ZSCAN31: variants seen among roughly 807,000 people sequenced by gnomAD.
The protein encoded by ZSCAN31 is zinc finger and SCAN domain-containing protein 31.
Under a neutral mutation model 22.5 loss-of-function variants are expected in ZSCAN31, and 14 were observed. That is an observed-to-expected ratio of 0.62 (90% confidence interval 0.41 to 0.97). ZSCAN31 has a LOEUF of 0.97. Ranked by LOEUF, ZSCAN31 falls within the 50% of genes least tolerant of loss-of-function variation. The pLI is 0.00. For missense variants in ZSCAN31, 424 were observed against 483.4 expected (o/e 0.88, Z 1.15); for synonymous variants, 168 against 169.8 (o/e 0.99, Z 0.08).
intron 2 of ZSCAN31, among the ~76,000 whole-genome samples, chr6:28,344,205 A>G (rs1247732868): frequency 6.6e-6 from 1 of 152,206 alleles, no homozygotes; most frequent in Non-Finnish European, 1.5e-5. Context: ...TAGGGCTGTC[A>G]CACGGGTTTT....
Position 28,333,905 on chromosome 6 carries a change from T to C in ZSCAN31, c.-96+2177A>G, listed in dbSNP as rs1053527061. Among the ~76,000 whole-genome samples, 9 of 150,998 alleles carry C rather than the reference T, an allele frequency of 6.0e-5. No homozygotes were observed. The highest frequency in any genetic ancestry group is 1.0e-4 in the Non-Finnish European group (7 of 67,688). ...AGAAGCTCTGCTACTGGATGGAGAATGAGCTGAGGGAATGAGGGTAGAGGC... is the reference window on the plus strand; with the variant it reads ...AGAAGCTCTGCTACTGGATGGAGAACGAGCTGAGGGAATGAGGGTAGAGGC... On this transcript the variant is annotated intron_variant, in intron 1 of 3. Transcript: ENST00000344279. This position sits in a 1 kb window ranked among gnomAD's most constrained non-coding sequence, Gnocchi z 4.1.
At position 28,331,921 on chromosome 6, in the gene ZSCAN31, G is replaced by T. The variant is rs1763784109; in HGVS notation, c.-95-2143C>A. ...AATTGTATTCTTCTCCCCATAATTG[G>T]TGCTTAGGATTTACCTCCTGGTCTT... On this transcript the variant is annotated intron_variant, in intron 1 of 3. Transcript: ENST00000344279. This position sits in a 1 kb window ranked among gnomAD's most constrained non-coding sequence, Gnocchi z 4.8. Among the ~76,000 whole-genome samples the T allele has an allele frequency of 6.6e-6, 1 of 152,094 alleles. No individual in the cohort carries two copies. Among genetic ancestry groups the T allele is most frequent in the South Asian group, 2.1e-4 (1 of 4,824 alleles).
rs1581705359 is a variant in ZSCAN31 at position 28,349,012 on chromosome 6, TAG to T, written c.-371+4848_-371+4849del. Among the ~76,000 whole-genome samples the T allele has an allele frequency of 7.6e-6, 1 of 131,156 alleles. No individual in the cohort carries two copies. The highest frequency in any genetic ancestry group is 7.7e-5 in the Admixed American group (1 of 12,912). The allele number at this position is 131,156 out of a possible 152,430, so 86.0% of individuals were successfully genotyped here. On this transcript the variant is annotated intron_variant, in intron 2 of 7. Transcript: ENST00000396838. This position sits in a 1 kb window ranked among gnomAD's most constrained non-coding sequence, Gnocchi z 4.1. ...GGTGTATATACATGTCTCATATACA[TAG>T]GTGTATATACATGTCTCATATACAT... is the stretch of plus-strand genomic sequence containing the variant.
rs768979145 is a variant in ZSCAN31, at chr6:28,329,650, T to C, written c.34A>G (p.Ile12Val). 5 of 1,613,902 alleles carry C rather than the reference T, an allele frequency of 3.1e-6. No individual in the cohort carries two copies. In the African/African-American group the frequency reaches 4.0e-5, roughly 13 times the overall value. The stretch of plus-strand genomic sequence containing the variant: ...ATAGGGTCTTCCTCCACTTTCACAA[T>C]CTTAAGATCGTACTGTTCCTCTGTT... ...ASTEEQYDLKIVKVEEDPIWD... is the reference protein window; with the variant it reads ...ASTEEQYDLKVVKVEEDPIWD... The change falls in exon 2 of 4, where the codon ATT (isoleucine) becomes GTT (valine). Residue 12 changes from isoleucine to valine, a missense_variant. By Grantham distance (29) the Ile-to-Val change is conservative (BLOSUM62 3). Transcript: ENST00000344279.
At position 28,326,431 on chromosome 6, in the gene ZSCAN31, CCT is replaced by C. The variant is rs145866852; in HGVS notation, c.954_955del (p.Glu320LysfsTer4). ...CACTTTGCATTCATATGGTTTTTCCCCTGTGTGGATTCTTCTGTGTCGAGTGA... is the reference window on the plus strand; with the variant it reads ...CACTTTGCATTCATATGGTTTTTCCCGTGTGGATTCTTCTGTGTCGAGTGA... On this transcript the variant is annotated frameshift_variant, in exon 4 of 4. Transcript: ENST00000344279. LOFTEE classifies it low-confidence loss of function (END_TRUNC). The C allele has an allele frequency of 6.2e-3, 10,065 of 1,614,122 alleles. 42 individuals are homozygous for C. The highest frequency in any genetic ancestry group is 9.8e-3 in the Admixed American group (586 of 60,018).
intron 3 of ZSCAN31, 21 bp downstream of exon 3, chr6:28,327,362 G>C (rs751571408): frequency 6.2e-6 from 10 of 1,613,734 alleles, no homozygotes; most frequent in Non-Finnish European, 7.6e-6. Context: ...ATCTCCTGAA[G>C]GGACCTGTCA....
chr6:28,337,681 G>C (rs1035639480), upstream of ZSCAN31: 1 of 152,182 alleles, frequency 6.6e-6, no homozygotes, highest in African/African-American at 2.4e-5. Flanking sequence ...AAGGAATACA[G>C]ACAGAAAGAG....
chr6:28,339,176 G>A (rs1354424055), upstream of ZSCAN31, among the ~76,000 whole-genome samples: 1 of 152,116 alleles, frequency 6.6e-6, no homozygotes, highest in Non-Finnish European at 1.5e-5. Context: ...TTTTCTTAAT[G>A]AGTTGCTGAT....
Position 28,343,999 on chromosome 6 carries a change from C to T in ZSCAN31, c.-370-2207G>A, listed in dbSNP as rs141414106. On this transcript the variant is annotated intron_variant, in intron 2 of 7. Transcript: ENST00000396838. The stretch of plus-strand genomic sequence containing the variant: ...TTGTTTCCCAGGGGCTATGTTATCT[C>T]TCCTGCCCCTTATCATATTATAGTC... Among the ~76,000 whole-genome samples, 83 of 152,248 alleles carry T rather than the reference C, an allele frequency of 5.5e-4. 1 individual carries two copies. Among genetic ancestry groups the T allele is most frequent in the African/African-American group, 2.0e-3 (82 of 41,536 alleles).
intron 1 of ZSCAN31, chr6:28,354,001 C>T (rs562972552): frequency 3.9e-4 from 178 of 453,918 alleles, no homozygotes; most frequent in African/African-American, 3.1e-3. Context: ...TGCTGCAGCT[C>T]TCACACTGTC....
At chr6:28,345,338 T>A (rs1040846696) in intron 2 of ZSCAN31, among the ~76,000 whole-genome samples, 23 of 152,080 alleles carry the variant, frequency 1.5e-4, no homozygotes, top group Non-Finnish European at 2.6e-4. Flanking sequence ...CAGAATGACC[T>A]TGCTGGTTTA....
At chr6:28,343,164 A>T (rs910781631) in intron 2 of ZSCAN31, among the ~76,000 whole-genome samples, 1 of 152,220 alleles carries the variant, frequency 6.6e-6, no homozygotes, top group African/African-American at 2.4e-5. Context: ...ATTTCTGAAT[A>T]TAAAACTGGA....
chr6:28,325,337 A>G lies in ZSCAN31; in HGVS notation c.*829T>C, dbSNP rs1437210369. On this transcript the variant is annotated 3_prime_UTR_variant, in exon 4 of 4. Transcript: ENST00000344279. ...TTGTGAAGAACAGAGATTTTAAAGTATCATCTTACTTATTATTTGTAACAA... is the reference window on the plus strand; with the variant it reads ...TTGTGAAGAACAGAGATTTTAAAGTGTCATCTTACTTATTATTTGTAACAA... The G allele has an allele frequency of 4.6e-5, 7 of 152,240 alleles. No individual in the cohort carries two copies. The highest frequency in any genetic ancestry group is 8.8e-5 in the Non-Finnish European group (6 of 68,048). 9.4% of individuals were successfully genotyped at this position (152,240 alleles called of 1,614,324 possible).
chr6:28,345,920 T>C (rs955962143), intron 2 of ZSCAN31, among the ~76,000 whole-genome samples: 123 of 152,154 alleles, frequency 8.1e-4, no homozygotes, highest in African/African-American at 2.8e-3. Context: ...CAATAATTAT[T>C]ATGTAGTGTT....
Position 28,326,094 on chromosome 6 carries a change from G to T in ZSCAN31, c.*72C>A. On this transcript the variant is annotated 3_prime_UTR_variant, in exon 4 of 4. Coordinates refer to ENST00000344279, the MANE Select transcript of ZSCAN31 (RefSeq NM_030899.5). ...TCCACAGAATTAGTCCAGTTCTGCT[G>T]GAACAGTATGGATTCTAAAATGCCT... is the stretch of plus-strand genomic sequence containing the variant. 7.2e-7 allele frequency: 1 copy of T among 1,395,288 alleles called. No homozygotes were observed. Among genetic ancestry groups the T allele is most frequent in the Non-Finnish European group, 9.8e-7 (1 of 1,025,566 alleles). The allele number at this position is 1,395,288 out of a possible 1,614,324, so 86.4% of individuals were successfully genotyped here.
In ZSCAN31 at chr6:28,326,012, G is replaced by T; in HGVS notation, c.*154C>A. On this transcript the variant is annotated 3_prime_UTR_variant, in exon 4 of 4. Transcript: ENST00000344279. ...ATACAAAATAAATTTTATAAGAACA[G>T]AATAAGCCACTTGAAAATCTTACTT... 1 of 726,276 alleles carries T rather than the reference G, an allele frequency of 1.4e-6. No homozygotes were observed. The highest frequency in any genetic ancestry group is 2.3e-6 in the Non-Finnish European group (1 of 432,726). 45.0% of individuals were successfully genotyped at this position (726,276 alleles called of 1,614,324 possible).
At position 28,327,582 on chromosome 6, in the gene ZSCAN31, C is replaced by G; in HGVS notation, c.382-49G>C. On this transcript the variant is annotated intron_variant, in intron 2 of 3. Transcript: ENST00000344279. ...GTTAAAGAGGGGGATTATAGGAGTA[C>G]AAGCTAATACTAAATGAAAGATATC... 3 of 1,559,138 alleles carry G rather than the reference C, an allele frequency of 1.9e-6. No individual in the cohort carries two copies. In the East Asian group the frequency reaches 6.7e-5, roughly 35 times the overall value.
chr6:28,328,788 C>T (rs1162318445), intron 2 of ZSCAN31, among the ~76,000 whole-genome samples: 1 of 152,090 alleles, frequency 6.6e-6, no homozygotes, highest in East Asian at 1.9e-4. Flanking sequence ...TTAGAGACTG[C>T]AGTAAAGACA....
Position 28,326,580 on chromosome 6 carries a change from A to C in ZSCAN31, c.807T>G (p.Cys269Trp). The C allele has an allele frequency of 6.2e-7, 1 of 1,613,760 alleles. No individual in the cohort carries two copies. Among genetic ancestry groups the C allele is most frequent in the Non-Finnish European group, 8.5e-7 (1 of 1,179,944 alleles). Reference sequence around the variant, plus strand: ...GGCTGAAGGCCTTCCCACATTCTTCACATTCATATGGCTTCTCCCCAGTGT... The same window carrying C: ...GGCTGAAGGCCTTCCCACATTCTTCCCATTCATATGGCTTCTCCCCAGTGT... ...RIHTGEKPYE[C>W]EECGKAFSRR... The change falls in exon 4 of 4, where the codon TGT becomes TGG. Residue 269 changes from cysteine (C) to tryptophan (W), a missense_variant. Transcript: ENST00000344279.
Sources: gnomAD v4.1 joint callset for allele counts (sites outside exome capture counted in the v4.1 genomes callset) on GRCh38, gnomAD v4.1.1 for gene constraint, Gnocchi (gnomAD v3.1) non-coding constraint, MANE v1.5 for transcripts, NCBI Gene and HGNC (gene_info 2026-07-23, HGNC 2026-07-21) for gene names.